The following UIMC1 variants were observed in gnomAD, a reference collection of about 807,000 sequenced individuals.
UIMC1 encodes the protein ubiquitin interaction motif containing 1, also known as BRCA1-A complex subunit RAP80.
UIMC1 carries 42 observed loss-of-function variants against 84.9 expected under a neutral mutation model. The observed-to-expected ratio is 0.49, with a 90% CI of 0.39 to 0.64. The LOEUF is 0.64. Ranked by LOEUF, UIMC1 falls within the 30% of genes least tolerant of loss-of-function variation. The pLI is 0.00. For missense variants in UIMC1, 825 were observed against 847.6 expected (o/e 0.97, Z 0.33); for synonymous variants, 281 against 293.0 (o/e 0.96, Z 0.42).
intron 12 of UIMC1, 104 bp from the exon 13 acceptor site, chr5:176,907,281 G>T (rs1581323178): frequency 9.0e-7 from 1 of 1,105,922 alleles, no homozygotes; most frequent in East Asian, 2.6e-5. Flanking sequence ...AAAGGTGTGG[G>T]GGCCACAGCT....
intron 10 of UIMC1, among the ~76,000 whole-genome samples, chr5:176,920,188 A>ATT (rs572540727): frequency 1.4e-5 from 2 of 147,664 alleles, no homozygotes; most frequent in African/African-American, 4.9e-5. Context: ...TGCCTGGCTA[A>ATT]TTTTTTTTTT....
At chr5:176,957,446 T>C (rs1766743696) in intron 7 of UIMC1, among the ~76,000 whole-genome samples, 1 of 152,178 alleles carries the variant, frequency 6.6e-6, no homozygotes, top group Non-Finnish European at 1.5e-5. Flanking sequence ...CTATCTATTA[T>C]TAAAGTAAGA....
chr5:176,977,582 CAA>C (rs1270486136), intron 2 of UIMC1, among the ~76,000 whole-genome samples: 5 of 47,796 alleles, frequency 1.0e-4, no homozygotes, highest in Non-Finnish European at 2.0e-4. Flanking sequence ...GACTCCATCT[CAA>C]AAAAAAAAAA....
intron 11 of UIMC1, among the ~76,000 whole-genome samples, chr5:176,909,854 A>C (rs1399264067): frequency 6.6e-6 from 1 of 152,220 alleles, no homozygotes; most frequent in Non-Finnish European, 1.5e-5. Flanking sequence ...AGTTGGACAG[A>C]CTTTATCACT....
At chr5:176,921,161 CACCAAAAGTATT>C (rs1761658775) in intron 10 of UIMC1, among the ~76,000 whole-genome samples, 1 of 152,160 alleles carries the variant, frequency 6.6e-6, no homozygotes, top group Admixed American at 6.5e-5. Context: ...ACTCTTCCAC[CACCAAAAGTATT>C]AGTCTATCTG....
chr5:176,908,065 T>C (rs575097562), intron 12 of UIMC1, among the ~76,000 whole-genome samples: 61 of 152,142 alleles, frequency 4.0e-4, no homozygotes, highest in Non-Finnish European at 7.9e-4. Flanking sequence ...TTTTCATAAA[T>C]GCAAGTGAGA....
intron 8 of UIMC1, among the ~76,000 whole-genome samples, chr5:176,954,897 G>A (rs1766402900): frequency 6.6e-6 from 1 of 152,022 alleles, no homozygotes; most frequent in South Asian, 2.1e-4. Flanking sequence ...GAAAAACATT[G>A]AAGGAAACCA....
At chr5:176,951,661 A>G (rs562898877) in intron 8 of UIMC1, 84 bp from the exon 9 acceptor site, 3 of 1,002,268 alleles carry the variant, frequency 3.0e-6, no homozygotes, top group African/African-American at 1.7e-5. Flanking sequence ...ATTTTCACCT[A>G]AAGTTTAGGA....
intron 10 of UIMC1, among the ~76,000 whole-genome samples, chr5:176,914,435 A>G (rs1760710228): frequency 6.6e-6 from 1 of 152,224 alleles, no homozygotes; most frequent in Non-Finnish European, 1.5e-5. Flanking sequence ...TTTCCTTTAA[A>G]TAATTAAGCA....
intron 1 of UIMC1, among the ~76,000 whole-genome samples, chr5:177,016,386 A>G (rs1775669748): frequency 6.6e-6 from 1 of 151,264 alleles, no homozygotes; most frequent in African/African-American, 2.4e-5. Flanking sequence ...AAACCAAACA[A>G]ACAAAATACT....
chr5:176,993,611 T>G (rs1265732158), intron 1 of UIMC1, among the ~76,000 whole-genome samples: 1 of 152,222 alleles, frequency 6.6e-6, no homozygotes, highest in Non-Finnish European at 1.5e-5. Context: ...CTAATAATTA[T>G]AAAGTATCTC....
At chr5:176,949,434 C>G (rs1334791502) in intron 9 of UIMC1, among the ~76,000 whole-genome samples, 1 of 152,172 alleles carries the variant, frequency 6.6e-6, no homozygotes, top group Non-Finnish European at 1.5e-5. Context: ...ATGAAATCAG[C>G]CTTAACTAAG....
chr5:176,979,854 T>C (rs1213648124), intron 2 of UIMC1, among the ~76,000 whole-genome samples: 2 of 152,160 alleles, frequency 1.3e-5, no homozygotes, highest in Non-Finnish European at 2.9e-5. Context: ...CCCAGAGAAC[T>C]AGTAAAGTAT....
In UIMC1 at chr5:176,943,426, C is replaced by T. The variant is rs772367965; in HGVS notation, c.1506G>A (p.Gln502=). The change falls in exon 10 of 15, where the codon CAG becomes CAA. Residue 502 remains glutamine (Q), a synonymous_variant. Coordinates refer to ENST00000511320, the MANE Select transcript of UIMC1 (RefSeq NM_001199298.2). ...ATTGGTCACATAGCGGGCAGGATAC[C>T]TGGTTACTGGATGAGAAGGTAGAAA... is the stretch of plus-strand genomic sequence containing the variant. ...VAISTFSSSN[Q]VSCPLCDQCF... is the part of the protein sequence containing the mutation. 5.0e-6 allele frequency: 8 copies of T among 1,614,150 alleles called. No homozygotes were observed. The highest frequency in any genetic ancestry group is 4.4e-5 in the South Asian group (4 of 91,082).
chr5:176,991,894 T>C (rs1772907605), intron 1 of UIMC1, among the ~76,000 whole-genome samples: 1 of 151,972 alleles, frequency 6.6e-6, no homozygotes, highest in Admixed American at 6.6e-5. Context: ...ATTGTGTCAC[T>C]GCACTCCAGC....
intron 10 of UIMC1, among the ~76,000 whole-genome samples, chr5:176,921,969 T>C (rs183975784): frequency 6.7e-4 from 102 of 152,336 alleles, no homozygotes; most frequent in African/African-American, 2.4e-3. Context: ...TCAGTCATTG[T>C]GTCTTTCCTG....
chr5:176,948,838 T>C (rs573951723), intron 9 of UIMC1, among the ~76,000 whole-genome samples: 19 of 152,180 alleles, frequency 1.2e-4, no homozygotes, highest in African/African-American at 3.9e-4. Context: ...AAACAAGAAA[T>C]TTTAGGACAA....
chr5:176,982,002 A>G lies in UIMC1; in HGVS notation c.147+467T>C, dbSNP rs558598255. Among the ~76,000 whole-genome samples the G allele has an allele frequency of 2.0e-5, 3 of 152,328 alleles. No individual in the cohort carries two copies. The South Asian group carries it at 6.2e-4, about 32-fold the overall frequency. On this transcript the variant is annotated intron_variant, in intron 2 of 14. Transcript: ENST00000511320. ...TTGTATAGCTCTGCTGTCTAATACAACTGACACTAGCCTTATGTGTCTTTA... is the reference window on the plus strand; with the variant it reads ...TTGTATAGCTCTGCTGTCTAATACAGCTGACACTAGCCTTATGTGTCTTTA...
upstream of UIMC1, among the ~76,000 whole-genome samples, chr5:177,007,439 G>A (rs402511): frequency 0.58 from 87,739 of 151,876 alleles, 27,065 homozygotes; most frequent in African/African-American, 0.81. Context: ...GCTTCCTGGC[G>A]GAAAATGTGA....
Sources: gnomAD v4.1 joint callset for allele counts (sites outside exome capture counted in the v4.1 genomes callset) on GRCh38, gnomAD v4.1.1 for gene constraint, MANE v1.5 for transcripts, NCBI Gene and HGNC (gene_info 2026-07-23, HGNC 2026-07-21) for gene names.